The following ATP11C variants were observed in gnomAD, a reference collection of about 807,000 sequenced individuals.
The protein encoded by ATP11C is ATPase phospholipid transporting 11C (ATP11C blood group).
ATP11C carries 36 observed loss-of-function variants against 97.4 expected under a neutral mutation model. The observed-to-expected ratio is 0.37, with a 90% CI of 0.28 to 0.49. The LOEUF is 0.49. Among genes scored for constraint, ATP11C ranks in the 20% least tolerant of loss-of-function variants. ATP11C has a pLI of 0.98. For missense variants in ATP11C, 730 were observed against 824.6 expected (o/e 0.89, Z 1.40); for synonymous variants, 275 against 290.9 (o/e 0.95, Z 0.56).
intron 28 of ATP11C, among the ~76,000 whole-genome samples, chrX:139,737,139 G>T: frequency 9.0e-6 from 1 of 110,890 alleles, no homozygotes; most frequent in East Asian, 2.8e-4. Flanking sequence ...AATAAAATCA[G>T]CTACTGTTGG....
In ATP11C at chrX:139,782,585, T is replaced by C; in HGVS notation, c.1914A>G (p.Thr638=). ...CAGTGGCTCCAATTAAATTCATGTTTGTCTCAATATCATCGAAAACTTTTT... is the reference window on the plus strand; with the variant it reads ...CAGTGGCTCCAATTAAATTCATGTTCGTCTCAATATCATCGAAAACTTTTT... ...KMEKVFDDIE[T]NMNLIGATAV... The change falls in exon 18 of 30, where the codon ACA becomes ACG. Residue 638 remains threonine (T), a synonymous_variant. Coordinates refer to ENST00000682941, the MANE Select transcript of ATP11C (RefSeq NM_001353812.2). 8.3e-7 allele frequency: 1 copy of C among 1,206,636 alleles called. No individual in the cohort carries two copies.
intron 1 of ATP11C, among the ~76,000 whole-genome samples, chrX:139,867,823 T>C (rs1406128210): frequency 9.0e-6 from 1 of 111,538 alleles, no homozygotes; most frequent in Non-Finnish European, 1.9e-5. Flanking sequence ...AGGAAAAAGA[T>C]AGCAAGAGGC....
chrX:139,882,261 T>C (rs1388235133), intron 1 of ATP11C, among the ~76,000 whole-genome samples: 1 of 111,921 alleles, frequency 8.9e-6, no homozygotes, highest in African/African-American at 3.3e-5. Flanking sequence ...GAGATTTTCC[T>C]TCAATGAAAA....
At chrX:139,816,787 GA>G in intron 4 of ATP11C, 75 bp downstream of exon 4, 1 of 670,552 alleles carries the variant, frequency 1.5e-6, no homozygotes, top group East Asian at 3.7e-5. Flanking sequence ...ATATAAATAT[GA>G]AAAAGAGCCT....
At chrX:139,931,614 T>C (rs1283471732) in intron 1 of ATP11C, among the ~76,000 whole-genome samples, 1 of 111,413 alleles carries the variant, frequency 9.0e-6, no homozygotes, top group African/African-American at 3.3e-5. Flanking sequence ...TAGGTTTACC[T>C]CCATGTGCTC....
At position 139,867,357 on chromosome X, in the gene ATP11C, T is replaced by C. The variant is rs1024739328; in HGVS notation, c.28-40534A>G. On this transcript the variant is annotated intron_variant, in intron 1 of 29. Transcript: ENST00000682941. ...AATCAAGGAAGGGGGATAGGAAGTG[T>C]TGGGGGAGGTTGCAATTTTAGATAG... is the stretch of plus-strand genomic sequence containing the variant. Among the ~76,000 whole-genome samples the C allele has an allele frequency of 3.6e-5, 4 of 109,853 alleles. 1 individual carries two copies. The highest frequency in any genetic ancestry group is 9.3e-3 in the Middle Eastern group (2 of 214).
intron 1 of ATP11C, among the ~76,000 whole-genome samples, chrX:139,845,037 G>A (rs1378528371): frequency 8.9e-6 from 1 of 112,082 alleles, no homozygotes; most frequent in Non-Finnish European, 1.9e-5. Context: ...AGCAACATTA[G>A]GTCCTGGTGG....
intron 2 of ATP11C, among the ~76,000 whole-genome samples, chrX:139,822,084 G>C (rs2083421937): frequency 9.5e-6 from 1 of 105,114 alleles, no homozygotes; most frequent in Non-Finnish European, 2.1e-5. Flanking sequence ...GACCTCTATG[G>C]CAAAAAAAAA....
At chrX:139,903,554 T>TCTC (rs1485941805) in intron 1 of ATP11C, among the ~76,000 whole-genome samples, 1 of 108,393 alleles carries the variant, frequency 9.2e-6, no homozygotes, top group Non-Finnish European at 1.9e-5. Context: ...ACCCTATGTG[T>TCTC]CTCTTCAACT....
chrX:139,792,119 G>C (rs2082702646), intron 12 of ATP11C, among the ~76,000 whole-genome samples: 1 of 110,431 alleles, frequency 9.1e-6, no homozygotes, highest in South Asian at 3.9e-4. Flanking sequence ...AAGGAGGAAA[G>C]AGGGGCTGAA....
At chrX:139,853,675 CCTT>C (rs1433232774) in intron 1 of ATP11C, among the ~76,000 whole-genome samples, 2 of 109,546 alleles carry the variant, frequency 1.8e-5, no homozygotes, top group African/African-American at 3.3e-5. Flanking sequence ...AACCCCGTAG[CCTT>C]CTTATCAAAA....
chrX:139,763,685 C>G (rs907488821), intron 20 of ATP11C, among the ~76,000 whole-genome samples: 3 of 112,175 alleles, frequency 2.7e-5, no homozygotes, highest in Admixed American at 9.4e-5. Context: ...AAATAGCTGT[C>G]ATACTGTATT....
chrX:139,929,227 A>C (rs928371523), intron 1 of ATP11C, among the ~76,000 whole-genome samples: 7 of 111,886 alleles, frequency 6.3e-5, no homozygotes, highest in African/African-American at 1.9e-4. Context: ...TAAATCCTTT[A>C]GGACACCCTC....
chrX:139,868,146 C>G (rs2084314659), intron 1 of ATP11C, among the ~76,000 whole-genome samples: 1 of 111,323 alleles, frequency 9.0e-6, no homozygotes, highest in Non-Finnish European at 1.9e-5. Flanking sequence ...ACATGAAAAT[C>G]AACACAAAAT....
Position 139,932,824 on chromosome X carries a change from G to A in ATP11C, c.-782C>T, listed in dbSNP as rs2085464451. On this transcript the variant is annotated 5_prime_UTR_variant, in exon 1 of 30. Transcript: ENST00000682941. ...GTGGTGGAGCCGGGCTCTGAGGCAG[G>A]GCACCGTGAAGACCCCAGCGCGGGA... The A allele has an allele frequency of 8.9e-6, 1 of 111,786 alleles. No homozygotes were observed. The highest frequency in any genetic ancestry group is 3.3e-5 in the African/African-American group (1 of 30,748). The allele number at this position is 111,786 out of a possible 1,213,427, so 9.2% of individuals were successfully genotyped here.
intron 1 of ATP11C, among the ~76,000 whole-genome samples, chrX:139,931,685 T>C (rs1160149639): frequency 5.4e-5 from 6 of 111,767 alleles, no homozygotes; most frequent in African/African-American, 1.6e-4. Context: ...TTCGACTAAT[T>C]GGCAAACTGA....
chrX:139,787,267 C>T, intron 14 of ATP11C, 23 bp from the exon 15 acceptor site: 3 of 1,113,011 alleles, frequency 2.7e-6, no homozygotes, highest in South Asian at 4.1e-5. Flanking sequence ...ATAAAAAAGA[C>T]CTTGTGTATC....
intron 1 of ATP11C, among the ~76,000 whole-genome samples, chrX:139,911,610 G>A (rs992419922): frequency 9.0e-6 from 1 of 111,197 alleles, no homozygotes; most frequent in Non-Finnish European, 1.9e-5. Flanking sequence ...ACGTATGTGA[G>A]ACTTCCTATA....
intron 2 of ATP11C, among the ~76,000 whole-genome samples, chrX:139,822,784 C>T (rs1025324974): frequency 9.1e-6 from 1 of 109,785 alleles, no homozygotes; most frequent in South Asian, 4.1e-4. Flanking sequence ...GAACTTCACC[C>T]GCCTCAGCCT....
Sources: gnomAD v4.1 joint callset for allele counts (sites outside exome capture counted in the v4.1 genomes callset) on GRCh38, gnomAD v4.1.1 for gene constraint, MANE v1.5 for transcripts, NCBI Gene and HGNC (gene_info 2026-07-23, HGNC 2026-07-21) for gene names.